NOS3: variants seen among roughly 807,000 people sequenced by gnomAD.
NOS3 encodes the protein NOS type III.
In NOS3, 98 loss-of-function variants were observed where a neutral mutation model predicts 144.9. The ratio of observed to expected loss-of-function variants is 0.68; its 90% CI spans 0.57 to 0.80. The LOEUF is 0.80. NOS3 is among the 30% of genes least tolerant of loss of function. The pLI, the probability that NOS3 is intolerant of heterozygous loss-of-function variation, is 0.00. For missense variants in NOS3, 1,465 were observed against 1,656.4 expected (o/e 0.88, Z 2.01); for synonymous variants, 714 against 702.4 (o/e 1.02, Z -0.26).
At position 151,000,544 on chromosome 7, in the gene NOS3, T is replaced by G; in HGVS notation, c.1178T>G (p.Leu393Arg). 1 of 1,613,536 alleles carries G rather than the reference T, an allele frequency of 6.2e-7. No individual in the cohort carries two copies. The highest frequency in any genetic ancestry group is 8.5e-7 in the Non-Finnish European group (1 of 1,179,860). The change falls in exon 10 of 27, where the codon CTG (leucine) becomes CGG (arginine). Residue 393 changes from leucine to arginine, a missense_variant. This residue lies in a region of NOS3 where 745 missense variants were observed against 853.9 expected (regional missense o/e 0.87). Coordinates refer to ENST00000297494, the MANE Select transcript of NOS3 (RefSeq NM_000603.5). ...CTGGATACCCGGACCACCTCGTCCC[T>G]GTGGAAAGACAAGGCAGCAGTGGAA... ...MDLDTRTTSSLWKDKAAVEIN... is the reference protein window; with the variant it reads ...MDLDTRTTSSRWKDKAAVEIN...
Position 151,013,711 on chromosome 7 carries a change from C to T in NOS3, c.3256-13C>T, listed in dbSNP as rs1795365364. ...CCCCCACCAGGGCCCGCCCTAACCCCGCCGCCCCGCAGACCTACGTGCAGG... is the reference window on the plus strand; with the variant it reads ...CCCCCACCAGGGCCCGCCCTAACCCTGCCGCCCCGCAGACCTACGTGCAGG... On this transcript the variant is annotated splice_polypyrimidine_tract_variant and intron_variant, in intron 25 of 26. Coordinates refer to ENST00000297494, the MANE Select transcript of NOS3 (RefSeq NM_000603.5). The T allele has an allele frequency of 1.3e-6, 2 of 1,579,842 alleles. No individual in the cohort carries two copies. Among genetic ancestry groups the T allele is most frequent in the Non-Finnish European group, 1.7e-6 (2 of 1,164,278 alleles).
intron 25 of NOS3, 98 bp from the exon 26 acceptor site, chr7:151,013,626 G>A: frequency 1.4e-5 from 14 of 1,000,974 alleles, no homozygotes; most frequent in South Asian, 4.8e-5. Flanking sequence ...CACCAGGCCC[G>A]CTCCGGAGAC....
At chr7:150,992,460 A>G (rs1316458476) in intron 1 of NOS3, among the ~76,000 whole-genome samples, 1 of 152,060 alleles carries the variant, frequency 6.6e-6, no homozygotes, top group East Asian at 1.9e-4. Flanking sequence ...CCGCCCTTCC[A>G]TCTCCCTCCT....
chr7:151,006,315 AAAAATT>A (rs1795205681), intron 14 of NOS3, 106 bp from the exon 15 acceptor site: 2 of 823,620 alleles, frequency 2.4e-6, no homozygotes, highest in African/African-American at 1.7e-5. Flanking sequence ...CAAAACAAAT[AAAAATT>A]AAGTTACAAA....
chr7:151,008,849 C>A, intron 17 of NOS3, 81 bp from the exon 18 acceptor site: 3 of 1,457,718 alleles, frequency 2.1e-6, no homozygotes, highest in East Asian at 2.4e-5. Flanking sequence ...AGGAGCAAGA[C>A]GCAGTGAAGC....
intron 20 of NOS3, 30 bp from the exon 21 acceptor site, chr7:151,010,085 T>C (rs1191957581): frequency 6.7e-7 from 1 of 1,488,790 alleles, no homozygotes; most frequent in East Asian, 2.3e-5. Context: ...CTGGGCCCTG[T>C]CCTCAGAGCT....
chr7:151,003,028 C>T lies in NOS3; in HGVS notation c.1752+724C>T, dbSNP rs1434370884. The T allele has an allele frequency of 3.2e-6, 1 of 308,934 alleles. No homozygotes were observed. Among genetic ancestry groups the T allele is most frequent in the Non-Finnish European group, 6.4e-6 (1 of 157,264 alleles). The allele number at this position is 308,934 out of a possible 1,614,324, so 19.1% of individuals were successfully genotyped here. ...TTCCTTCTCTTGCAAGCTTAGGTAT[C>T]TCTGAGGTGCCCCAGGCTAGGCTCA... On this transcript the variant is annotated intron_variant, in intron 14 of 26. Transcript: ENST00000297494. The surrounding 1 kb of genome is among the most constrained non-coding windows in gnomAD (Gnocchi z 4.1).
intron 5 of NOS3, among the ~76,000 whole-genome samples, chr7:150,997,345 C>A (rs1802454732): frequency 6.6e-6 from 1 of 152,062 alleles, no homozygotes; most frequent in Admixed American, 6.5e-5. Flanking sequence ...CTGTCAGTAG[C>A]AGGAGCAGCC....
In NOS3 at chr7:151,002,691, C is replaced by A; in HGVS notation, c.1752+387C>A. On this transcript the variant is annotated intron_variant, in intron 14 of 26. Coordinates refer to ENST00000297494, the MANE Select transcript of NOS3 (RefSeq NM_000603.5). This position sits in a 1 kb window ranked among gnomAD's most constrained non-coding sequence, Gnocchi z 4.1. ...AAAAACAGGGATACGTCACTGAGGG[C>A]GGCTTCTAGGATGCGGGTAATGTTT... 9.4e-6 allele frequency: 2 copies of A among 211,812 alleles called. No individual in the cohort carries two copies. The highest frequency in any genetic ancestry group is 1.8e-3 in the Middle Eastern group (1 of 562). 13.1% of individuals were successfully genotyped at this position (211,812 alleles called of 1,614,324 possible).
Position 150,998,362 on chromosome 7 carries a change from C to A in NOS3, c.588C>A (p.Phe196Leu), listed in dbSNP as rs754814568. ...CGCTGCCTCGGCTGGCTCAGGTGTT[C>A]GATGCCCGGGACTGCAGGTCTGCAC... ...GRIQWGKLQV[F>L]DARDCRSAQE... is the part of the protein sequence containing the mutation. The change falls in exon 6 of 27, where the codon TTC becomes TTA. Residue 196 changes from phenylalanine (F) to leucine (L), a missense_variant. Physicochemically the swap from Phe to Leu is conservative, Grantham distance 22. Transcript: ENST00000297494. The surrounding 1 kb of genome is among the most constrained non-coding windows in gnomAD (Gnocchi z 5.0). 1.9e-6 allele frequency: 3 copies of A among 1,611,338 alleles called. No individual in the cohort carries two copies. The highest frequency in any genetic ancestry group is 2.5e-6 in the Non-Finnish European group (3 of 1,179,512).
intron 20 of NOS3, 102 bp from the exon 21 acceptor site, chr7:151,010,013 T>C (rs1795269742): frequency 5.2e-6 from 4 of 771,408 alleles, no homozygotes; most frequent in South Asian, 5.0e-5. Context: ...ACCCCGCTGC[T>C]CAAGGGCAGG....
intron 17 of NOS3, among the ~76,000 whole-genome samples, chr7:151,008,096 C>T (rs951706835): frequency 1.1e-4 from 16 of 152,010 alleles, no homozygotes; most frequent in Non-Finnish European, 2.2e-4. Context: ...GCCATTGCAG[C>T]GGGATGAGAC....
In NOS3 at chr7:151,001,946, G is replaced by A. The variant is rs901787657; in HGVS notation, c.1628G>A (p.Arg543Gln). The A allele has an allele frequency of 1.2e-5, 20 of 1,613,370 alleles. No homozygotes were observed. Among genetic ancestry groups the A allele is most frequent in the Middle Eastern group, 1.6e-4 (1 of 6,084 alleles). The change falls in exon 13 of 27, where the codon CGG becomes CAG. Residue 543 changes from arginine to glutamine, a missense_variant. Coordinates refer to ENST00000297494, the MANE Select transcript of NOS3 (RefSeq NM_000603.5). ...GCACAGCAGCTGGGGAGACTCTTCC[G>A]GAAGGCTTTTGATCCCCGGGTAGGG... ...SYAQQLGRLF[R>Q]KAFDPRVLCM...
rs1218929608 is a variant in NOS3 at position 151,014,369 on chromosome 7, G to C, written c.*200G>C. ...CTCTAGGCCTGTTGCCTCGGGCCTG[G>C]GTCCGCCTTAATCTGGAAGGCCCCT... On this transcript the variant is annotated 3_prime_UTR_variant, in exon 27 of 27. Transcript: ENST00000297494. 1 of 593,190 alleles carries C rather than the reference G, an allele frequency of 1.7e-6. No homozygotes were observed. The highest frequency in any genetic ancestry group is 2.8e-6 in the Non-Finnish European group (1 of 353,674). The allele number at this position is 593,190 out of a possible 1,614,324, so 36.7% of individuals were successfully genotyped here.
intron 24 of NOS3, 155 bp from the exon 25 acceptor site, chr7:151,013,076 G>A: frequency 1.2e-6 from 1 of 808,232 alleles, no homozygotes; most frequent in Non-Finnish European, 2.0e-6. Context: ...CTCTGTGAAA[G>A]CATTCTACAC....
chr7:151,005,966 G>A (rs1185811977), intron 14 of NOS3, among the ~76,000 whole-genome samples: 1 of 152,204 alleles, frequency 6.6e-6, no homozygotes, highest in African/African-American at 2.4e-5. Context: ...AGGTTACAGT[G>A]AATGATGATG....
intron 8 of NOS3, 40 bp from the exon 9 acceptor site, chr7:150,999,150 C>A (rs1379122925): frequency 2.5e-6 from 4 of 1,610,926 alleles, no homozygotes; most frequent in Non-Finnish European, 3.4e-6. Flanking sequence ...TCAAGAAGGG[C>A]CTGCAAGGGG....
rs1795212122 is a variant in NOS3 at position 151,006,781 on chromosome 7, T to C, written c.1821-108T>C. On this transcript the variant is annotated intron_variant, in intron 15 of 26. Coordinates refer to ENST00000297494, the MANE Select transcript of NOS3 (RefSeq NM_000603.5). ...TCAGCCCCTCCCAAGGGCAGGGCCT[T>C]TCCTGTCCCAGAGGCAGAGACCCTG... is the stretch of plus-strand genomic sequence containing the variant. 3 of 925,894 alleles carry C rather than the reference T, an allele frequency of 3.2e-6. No homozygotes were observed. In the Admixed American group the frequency reaches 5.6e-5, roughly 17 times the overall value. The allele number at this position is 925,894 out of a possible 1,614,324, so 57.4% of individuals were successfully genotyped here.
chr7:151,005,845 C>G (rs948730128), intron 14 of NOS3, among the ~76,000 whole-genome samples: 42 of 152,288 alleles, frequency 2.8e-4, no homozygotes, highest in African/African-American at 9.6e-4. Context: ...CTGAACAACA[C>G]AGCGAGACTC....
Sources: allele counts gnomAD v4.1 joint callset (sites outside exome capture counted in the v4.1 genomes callset), GRCh38; gene constraint gnomAD v4.1.1; regional missense constraint gnomAD v4.1.1; non-coding constraint Gnocchi (gnomAD v3.1); transcripts MANE v1.5; gene names NCBI Gene and HGNC (gene_info 2026-07-23, HGNC 2026-07-21).